GPC5: variants seen among roughly 807,000 people sequenced by gnomAD.
GPC5 encodes glypican 5.
GPC5 carries 47 observed loss-of-function variants against 53.9 expected under a neutral mutation model. The observed-to-expected ratio is 0.87, with a 90% CI of 0.69 to 1.11. The LOEUF is 1.11. GPC5 is among the 50% of genes most tolerant of loss of function. The pLI is 0.00. For missense variants in GPC5, 748 were observed against 713.1 expected (o/e 1.05, Z -0.56); for synonymous variants, 286 against 263.3 (o/e 1.09, Z -0.84).
intron 6 of GPC5, among the ~76,000 whole-genome samples, chr13:91,942,117 A>G (rs954643745): frequency 1.2e-4 from 18 of 152,124 alleles, no homozygotes; most frequent in African/African-American, 3.9e-4. Context: ...CATACTGTTA[A>G]CTATAGCCAC....
intron 6 of GPC5, among the ~76,000 whole-genome samples, chr13:91,955,765 C>T (rs951126596): frequency 3.3e-4 from 51 of 152,314 alleles, no homozygotes; most frequent in African/African-American, 1.2e-3. Context: ...TAAGCAGCTG[C>T]AGCATGGTGC....
At chr13:92,776,332 A>G (rs1334586893) in intron 7 of GPC5, among the ~76,000 whole-genome samples, 1 of 151,852 alleles carries the variant, frequency 6.6e-6, no homozygotes, top group Non-Finnish European at 1.5e-5. Context: ...TTACACATAC[A>G]CACTCACTCA....
At chr13:92,504,253 C>A (rs755711282) in intron 7 of GPC5, among the ~76,000 whole-genome samples, 1 of 151,888 alleles carries the variant, frequency 6.6e-6, no homozygotes, top group Non-Finnish European at 1.5e-5. Context: ...CATATAATCA[C>A]TCCAAAATAA....
intron 7 of GPC5, among the ~76,000 whole-genome samples, chr13:92,688,079 T>G (rs1404834760): frequency 1.1e-5 from 1 of 88,442 alleles, no homozygotes; most frequent in Non-Finnish European, 2.0e-5. Context: ...GCTGGGCTCA[T>G]AAAATGAGTT....
chr13:92,544,722 T>A (rs1200551592), intron 7 of GPC5, among the ~76,000 whole-genome samples: 1 of 151,992 alleles, frequency 6.6e-6, no homozygotes. Context: ...CTTTTTTTGG[T>A]CATTTTATTA....
In GPC5 at chr13:92,594,806, C is replaced by T. The variant is rs202055983; in HGVS notation, c.1562-271476C>T. Among the ~76,000 whole-genome samples, 8 of 152,326 alleles carry T rather than the reference C, an allele frequency of 5.3e-5. No homozygotes were observed. The East Asian group carries it at 1.5e-3, about 29-fold the overall frequency. On this transcript the variant is annotated intron_variant, in intron 7 of 7. Transcript: ENST00000377067. ...TCCAACCTGAAATTGAATATTATGT[C>T]AAACACAAGAGGCCCTTAACATGCA...
intron 5 of GPC5, among the ~76,000 whole-genome samples, chr13:91,891,218 A>G (rs1387769345): frequency 6.6e-6 from 1 of 152,116 alleles, no homozygotes; most frequent in Admixed American, 6.6e-5. Flanking sequence ...TTTTAGAAAC[A>G]ACTTTTTCTG....
chr13:91,588,111 A>G (rs1021114188), intron 2 of GPC5, among the ~76,000 whole-genome samples: 1 of 152,146 alleles, frequency 6.6e-6, no homozygotes, highest in African/African-American at 2.4e-5. Flanking sequence ...AACTAACAGC[A>G]CTGGTGTACT....
chr13:92,090,513 C>T (rs1438845882), intron 6 of GPC5, among the ~76,000 whole-genome samples: 9 of 152,262 alleles, frequency 5.9e-5, no homozygotes, highest in African/African-American at 1.9e-4. Flanking sequence ...GTCCTCACCA[C>T]GTCTTATGGC....
At chr13:92,789,295 T>C (rs1320253306) in intron 7 of GPC5, among the ~76,000 whole-genome samples, 1 of 152,120 alleles carries the variant, frequency 6.6e-6, no homozygotes, top group Non-Finnish European at 1.5e-5. Context: ...TATGCACAAG[T>C]CATGTTTTCT....
At position 92,520,254 on chromosome 13, in the gene GPC5, A is replaced by C. The variant is rs540273077; in HGVS notation, c.1562-346028A>C. ...AAACTATTCCAATCAGTAGGAAAAA[A>C]GGGAATCCTCCCTAACTCATTTTAA... is the stretch of plus-strand genomic sequence containing the variant. On this transcript the variant is annotated intron_variant, in intron 7 of 7. Transcript: ENST00000377067. Among the ~76,000 whole-genome samples the C allele has an allele frequency of 3.7e-3, 557 of 152,288 alleles. 1 individual carries two copies. Among genetic ancestry groups the C allele is most frequent in the African/African-American group, 0.012 (518 of 41,572 alleles).
At position 91,412,022 on chromosome 13, in the gene GPC5, C is replaced by A. The variant is rs541164250; in HGVS notation, c.163+12813C>A. Among the ~76,000 whole-genome samples the A allele has an allele frequency of 9.8e-5, 15 of 152,356 alleles. No homozygotes were observed. The East Asian group carries it at 2.9e-3, about 29-fold the overall frequency. On this transcript the variant is annotated intron_variant, in intron 1 of 7. Coordinates refer to ENST00000377067, the MANE Select transcript of GPC5 (RefSeq NM_004466.6). Reference sequence around the variant, plus strand: ...TGTTCCTTTCCCTCCCTTCCCCACCCTTTCCTCTTACCCCTTTTGTGAAGA... The same window carrying A: ...TGTTCCTTTCCCTCCCTTCCCCACCATTTCCTCTTACCCCTTTTGTGAAGA...
At chr13:91,478,065 A>G (rs1169014588) in intron 2 of GPC5, among the ~76,000 whole-genome samples, 1 of 151,998 alleles carries the variant, frequency 6.6e-6, no homozygotes, top group African/African-American at 2.4e-5. Context: ...AGATGATGTA[A>G]TTCAGTGTTC....
At chr13:92,218,608 C>A (rs1566489981) in intron 7 of GPC5, among the ~76,000 whole-genome samples, 1 of 152,124 alleles carries the variant, frequency 6.6e-6, no homozygotes, top group Non-Finnish European at 1.5e-5. Flanking sequence ...ATCTTCTTTA[C>A]CTTAAAGGTC....
At chr13:91,635,197 T>C (rs1450692107) in intron 2 of GPC5, among the ~76,000 whole-genome samples, 7 of 152,138 alleles carry the variant, frequency 4.6e-5, no homozygotes, top group Admixed American at 1.3e-4. Context: ...TTAATGAATG[T>C]ATTTTCCAGA....
At chr13:92,079,125 C>T (rs779744167) in intron 6 of GPC5, among the ~76,000 whole-genome samples, 8 of 152,170 alleles carry the variant, frequency 5.3e-5, no homozygotes, top group Non-Finnish European at 1.2e-4. Context: ...GATCTTGGCT[C>T]ACTGCAACCT....
chr13:91,801,253 T>TTGTG (rs71113762), intron 5 of GPC5, among the ~76,000 whole-genome samples: 3,546 of 146,340 alleles, frequency 0.024, 52 homozygotes, highest in Middle Eastern at 0.054. Context: ...CATCCATACT[T>TTGTG]TGTGTGTGTG....
intron 6 of GPC5, among the ~76,000 whole-genome samples, chr13:91,997,130 A>T (rs867356617): frequency 3.9e-5 from 6 of 152,110 alleles, no homozygotes; most frequent in Non-Finnish European, 8.8e-5. Context: ...TGGTTCATAG[A>T]GTTGAATTTT....
At chr13:92,700,433 C>T (rs559589968) in intron 7 of GPC5, among the ~76,000 whole-genome samples, 1 of 152,004 alleles carries the variant, frequency 6.6e-6, no homozygotes, top group African/African-American at 2.4e-5. Flanking sequence ...GCAATTAGCC[C>T]ATTTACATTT....
Sources: gnomAD v4.1 joint callset for allele counts (sites outside exome capture counted in the v4.1 genomes callset) on GRCh38, gnomAD v4.1.1 for gene constraint, MANE v1.5 for transcripts, NCBI Gene and HGNC (gene_info 2026-07-23, HGNC 2026-07-21) for gene names.